The following PDE3B variants were observed in gnomAD, a reference collection of about 807,000 sequenced individuals.
PDE3B encodes the protein cGMP-inhibited 3',5'-cyclic phosphodiesterase 3B.
A neutral mutation model predicts 116.8 loss-of-function variants in PDE3B; 66 were observed. The ratio of observed to expected loss-of-function variants is 0.56; its 90% CI spans 0.46 to 0.69. The LOEUF is 0.69. PDE3B is among the 30% of genes least tolerant of loss of function. PDE3B has a pLI of 0.00. For synonymous variants in PDE3B, 595 were observed against 533.6 expected, an observed-to-expected ratio of 1.12 and a Z score of -1.59; for missense variants, 1,384 against 1,368.1, an observed-to-expected ratio of 1.01 and a Z score of -0.18.
chr11:14,666,999 G>A (rs1854177292), intron 1 of PDE3B, among the ~76,000 whole-genome samples: 1 of 151,938 alleles, frequency 6.6e-6, no homozygotes, highest in Admixed American at 6.6e-5. Flanking sequence ...GTTTATTGCG[G>A]CATTATTCAC....
At chr11:14,660,553 C>T (rs188774710) in intron 1 of PDE3B, among the ~76,000 whole-genome samples, 1 of 152,150 alleles carries the variant, frequency 6.6e-6, no homozygotes, top group African/African-American at 2.4e-5. Context: ...ATCTGCCCAC[C>T]TTGGCCTCCC....
the PDE3B span, among the ~76,000 whole-genome samples, chr11:14,896,963 T>C: frequency 6.6e-6 from 1 of 152,056 alleles, no homozygotes; most frequent in African/African-American, 2.4e-5. Context: ...AATCTGATAA[T>C]GAAAAAGGAA....
At chr11:14,802,860 TA>T (rs1272949068) in intron 4 of PDE3B, among the ~76,000 whole-genome samples, 1 of 152,234 alleles carries the variant, frequency 6.6e-6, no homozygotes, top group Non-Finnish European at 1.5e-5. Flanking sequence ...AAAACAAAGA[TA>T]TTTAGCAGAA....
intron 1 of PDE3B, among the ~76,000 whole-genome samples, chr11:14,664,886 A>T (rs1854076547): frequency 6.6e-6 from 1 of 152,208 alleles, no homozygotes; most frequent in Non-Finnish European, 1.5e-5. Flanking sequence ...CAATCAATAG[A>T]AAAAGAGGGA....
chr11:14,657,199 C>CAAAT (rs920298923), intron 1 of PDE3B, among the ~76,000 whole-genome samples: 6 of 152,254 alleles, frequency 3.9e-5, no homozygotes, highest in African/African-American at 1.4e-4. Flanking sequence ...GGAAGTCAAA[C>CAAAT]AAATGTCTTT....
the PDE3B span, among the ~76,000 whole-genome samples, chr11:14,888,062 ATTTCC>A: frequency 6.6e-6 from 1 of 152,006 alleles, no homozygotes; most frequent in African/African-American, 2.4e-5. Context: ...TTGCTCCTTC[ATTTCC>A]TTTGTCTTTG....
intron 1 of PDE3B, among the ~76,000 whole-genome samples, chr11:14,745,852 G>T (rs976909000): frequency 1.3e-5 from 2 of 152,036 alleles, no homozygotes; most frequent in African/African-American, 4.8e-5. Context: ...TGAGATCAGG[G>T]ACCTGAATCT....
intron 14 of PDE3B, among the ~76,000 whole-genome samples, chr11:14,866,076 GGAAT>G (rs1848039973): frequency 6.6e-6 from 1 of 152,032 alleles, no homozygotes; most frequent in Non-Finnish European, 1.5e-5. Flanking sequence ...TGATAAAATA[GGAAT>G]GATGGTACCT....
intron 1 of PDE3B, among the ~76,000 whole-genome samples, chr11:14,705,160 T>C (rs761100847): frequency 7.2e-5 from 11 of 151,758 alleles, no homozygotes; most frequent in Non-Finnish European, 1.2e-4. Flanking sequence ...TCCTAGGTAT[T>C]TATCCAAGAG....
chr11:14,770,021 A>G (rs564264551), intron 1 of PDE3B, among the ~76,000 whole-genome samples: 1 of 151,562 alleles, frequency 6.6e-6, no homozygotes, highest in African/African-American at 2.4e-5. Flanking sequence ...TTAGCCAGAA[A>G]TCAACTTCTA....
At chr11:14,833,723 T>C (rs1280590534) in intron 10 of PDE3B, among the ~76,000 whole-genome samples, 1 of 152,234 alleles carries the variant, frequency 6.6e-6, no homozygotes, top group African/African-American at 2.4e-5. Flanking sequence ...TTTGAGAAAT[T>C]AATTCTATAA....
At chr11:14,677,482 A>G (rs1759997041) in intron 1 of PDE3B, among the ~76,000 whole-genome samples, 1 of 152,230 alleles carries the variant, frequency 6.6e-6, no homozygotes, top group Non-Finnish European at 1.5e-5. Flanking sequence ...TTGTAAACAT[A>G]TTCTCAATAT....
At chr11:14,776,448 C>T (rs1857788049) in intron 2 of PDE3B, 1 of 152,118 alleles carries the variant, frequency 6.6e-6, no homozygotes, top group African/African-American at 2.4e-5. Flanking sequence ...ACCAGATGAC[C>T]CAACCTGAGG....
At chr11:14,854,882 G>A (rs930562555) in intron 12 of PDE3B, among the ~76,000 whole-genome samples, 5 of 139,238 alleles carry the variant, frequency 3.6e-5, no homozygotes, top group Admixed American at 3.0e-4. Flanking sequence ...CAGAAGCTTG[G>A]AAAGAAAAGG....
intron 1 of PDE3B, among the ~76,000 whole-genome samples, chr11:14,685,966 C>G (rs1854862074): frequency 6.6e-6 from 1 of 152,048 alleles, no homozygotes; most frequent in Non-Finnish European, 1.5e-5. Context: ...CAGGTAAGCC[C>G]TTTTATGGTT....
intron 4 of PDE3B, among the ~76,000 whole-genome samples, chr11:14,801,296 C>T (rs184813508): frequency 0.016 from 2,403 of 152,200 alleles, 58 homozygotes; most frequent in African/African-American, 0.055. Context: ...ATTTATCTAC[C>T]TTTGGTCTTT....
At chr11:14,736,799 T>C (rs1004685964) in intron 1 of PDE3B, among the ~76,000 whole-genome samples, 4 of 152,176 alleles carry the variant, frequency 2.6e-5, no homozygotes, top group African/African-American at 9.7e-5. Context: ...TCAATTGGTT[T>C]GACATTGACC....
chr11:14,757,706 C>G (rs1267835289), intron 1 of PDE3B, among the ~76,000 whole-genome samples: 1 of 142,778 alleles, frequency 7.0e-6, no homozygotes, highest in Non-Finnish European at 1.5e-5. Context: ...GATATTAGCC[C>G]TTTTTCAGAT....
At chr11:14,709,312 A>G (rs1855625952) in intron 1 of PDE3B, among the ~76,000 whole-genome samples, 1 of 152,138 alleles carries the variant, frequency 6.6e-6, no homozygotes, top group South Asian at 2.1e-4. Flanking sequence ...GAGGATACTT[A>G]CCATGTTTTA....
Sources: allele counts gnomAD v4.1 joint callset (sites outside exome capture counted in the v4.1 genomes callset), GRCh38; gene constraint gnomAD v4.1.1; transcripts MANE v1.5; gene names NCBI Gene and HGNC (gene_info 2026-07-23, HGNC 2026-07-21).